INPP4B: variants seen among roughly 807,000 people sequenced by gnomAD.
INPP4B encodes inositol polyphosphate-4-phosphatase type II B, also known as inositol polyphosphate 4-phosphatase type II.
In INPP4B, 55 loss-of-function variants were observed where a neutral mutation model predicts 122.5. The ratio of observed to expected loss-of-function variants is 0.45; its 90% CI spans 0.36 to 0.56. The LOEUF is 0.56. Among genes scored for constraint, INPP4B ranks in the 20% least tolerant of loss-of-function variants. INPP4B has a pLI of 0.00. For missense variants in INPP4B, 1,000 were observed against 1,097.7 expected (o/e 0.91, Z 1.26); for synonymous variants, 403 against 388.7 (o/e 1.04, Z -0.43).
At chr4:142,366,882 A>C (rs1416115971) in intron 7 of INPP4B, among the ~76,000 whole-genome samples, 1 of 152,166 alleles carries the variant, frequency 6.6e-6, no homozygotes, top group Non-Finnish European at 1.5e-5. Flanking sequence ...CAGATGGTGA[A>C]CTCAAAATGG....
intron 25 of INPP4B, among the ~76,000 whole-genome samples, chr4:142,065,260 CACACAT>C (rs1762925622): frequency 8.4e-6 from 1 of 118,892 alleles, no homozygotes; most frequent in South Asian, 3.0e-4. Flanking sequence ...CACACACACA[CACACAT>C]ACATAGTGAA....
intron 1 of INPP4B, among the ~76,000 whole-genome samples, chr4:142,749,961 A>T (rs1445469420): frequency 6.6e-6 from 1 of 152,008 alleles, no homozygotes; most frequent in Admixed American, 6.6e-5. Context: ...AGTGTGGAAA[A>T]AATGTTATAA....
At chr4:142,210,603 T>C (rs1212576404) in intron 12 of INPP4B, among the ~76,000 whole-genome samples, 1 of 152,142 alleles carries the variant, frequency 6.6e-6, no homozygotes, top group Admixed American at 6.5e-5. Flanking sequence ...GATTGATATA[T>C]CCAAGTCTAG....
intron 2 of INPP4B, among the ~76,000 whole-genome samples, chr4:142,594,944 G>A (rs1738353253): frequency 8.4e-6 from 1 of 119,540 alleles, no homozygotes; most frequent in African/African-American, 3.3e-5. Context: ...GACAGGGTGA[G>A]ACTCTGTCTC....
intron 2 of INPP4B, among the ~76,000 whole-genome samples, chr4:142,720,948 TATAG>T (rs1170633397): frequency 1.4e-5 from 2 of 145,346 alleles, no homozygotes; most frequent in African/African-American, 5.2e-5. Flanking sequence ...GCATCATATA[TATAG>T]AGAGAGAGAA....
chr4:142,745,380 G>A (rs992025037), intron 1 of INPP4B, among the ~76,000 whole-genome samples: 3 of 151,696 alleles, frequency 2.0e-5, no homozygotes, highest in African/African-American at 7.2e-5. Context: ...ACTAAACAAG[G>A]GGTCAAAAAA....
chr4:142,237,304 G>T (rs1414581728), intron 12 of INPP4B, among the ~76,000 whole-genome samples: 29 of 152,022 alleles, frequency 1.9e-4, no homozygotes, highest in Non-Finnish European at 2.5e-4. Flanking sequence ...CAAGATCAAA[G>T]CTCAAATTAT....
intron 7 of INPP4B, among the ~76,000 whole-genome samples, chr4:142,390,100 AT>A (rs1286483369): frequency 1.3e-5 from 2 of 152,170 alleles, no homozygotes; most frequent in Non-Finnish European, 2.9e-5. Context: ...ATTATAAAGA[AT>A]TATAAAATGT....
intron 25 of INPP4B, among the ~76,000 whole-genome samples, chr4:142,048,111 G>T (rs1461098517): frequency 1.3e-5 from 2 of 152,072 alleles, no homozygotes; most frequent in Non-Finnish European, 2.9e-5. Flanking sequence ...GATCCATTCT[G>T]CAAATTGGAA....
chr4:142,583,801 G>C (rs1245285753), intron 2 of INPP4B, among the ~76,000 whole-genome samples: 6 of 151,822 alleles, frequency 4.0e-5, no homozygotes, highest in African/African-American at 1.5e-4. Flanking sequence ...ACTTTTTCTG[G>C]GGTAATCCTT....
intron 9 of INPP4B, among the ~76,000 whole-genome samples, chr4:142,294,214 GA>G (rs1757603663): frequency 6.6e-6 from 1 of 152,058 alleles, no homozygotes; most frequent in Admixed American, 6.6e-5. Context: ...TATATAAATA[GA>G]AATGCAAAAT....
chr4:142,562,034 G>T lies in INPP4B; in HGVS notation c.-190-99308C>A, dbSNP rs182866515. ...ATTAAGATCCTCACTTCTCACAGGGGGAAAAAGAGGAAAAGCGAAATTTTA... is the reference window on the plus strand; with the variant it reads ...ATTAAGATCCTCACTTCTCACAGGGTGAAAAAGAGGAAAAGCGAAATTTTA... On this transcript the variant is annotated intron_variant, in intron 2 of 25. Coordinates refer to ENST00000262992, the MANE Select transcript of INPP4B (RefSeq NM_001101669.3). Among the ~76,000 whole-genome samples, 55 of 151,446 alleles carry T rather than the reference G, an allele frequency of 3.6e-4. 3 individuals carry two copies. The East Asian group carries it at 9.8e-3, about 27-fold the overall frequency.
At chr4:142,108,356 C>T (rs1446552884) in intron 22 of INPP4B, among the ~76,000 whole-genome samples, 166 bp from the exon 23 acceptor site, 2 of 87,446 alleles carry the variant, frequency 2.3e-5, no homozygotes, top group African/African-American at 5.9e-5. Context: ...ATATTCCAAT[C>T]TCCACTGGCC....
At chr4:142,491,228 C>A (rs1402712164) in intron 2 of INPP4B, among the ~76,000 whole-genome samples, 1 of 152,070 alleles carries the variant, frequency 6.6e-6, no homozygotes, top group African/African-American at 2.4e-5. Flanking sequence ...CTTTATCTCA[C>A]CTTTTATATA....
intron 2 of INPP4B, among the ~76,000 whole-genome samples, chr4:142,477,248 A>G (rs1282306161): frequency 6.6e-6 from 1 of 152,222 alleles, no homozygotes; most frequent in Admixed American, 6.5e-5. Context: ...TTTGAAACTA[A>G]TAAGAATAAA....
chr4:142,466,789 G>A (rs1214505572), intron 2 of INPP4B, among the ~76,000 whole-genome samples: 1 of 152,168 alleles, frequency 6.6e-6, no homozygotes, highest in Non-Finnish European at 1.5e-5. Context: ...CAGGGGCCAG[G>A]TTCAGGGCCC....
At chr4:142,610,296 C>A (rs1377787093) in intron 2 of INPP4B, among the ~76,000 whole-genome samples, 1 of 152,094 alleles carries the variant, frequency 6.6e-6, no homozygotes, top group East Asian at 1.9e-4. Flanking sequence ...TGTGAGGCCT[C>A]CCAGCCATGT....
Position 142,501,763 on chromosome 4 carries a change from C to T in INPP4B, c.-190-39037G>A, listed in dbSNP as rs564039168. On this transcript the variant is annotated intron_variant, in intron 2 of 25. Coordinates refer to ENST00000262992, the MANE Select transcript of INPP4B (RefSeq NM_001101669.3). The stretch of plus-strand genomic sequence containing the variant: ...TCATGATAAAAATAATATATATATT[C>T]CTGGGCCTGTGCAATTAAAAGTCCA... Among the ~76,000 whole-genome samples, 1,105 of 152,038 alleles carry T rather than the reference C, an allele frequency of 7.3e-3. 7 individuals are homozygous for T. Among genetic ancestry groups the T allele is most frequent in the Non-Finnish European group, 0.012 (784 of 67,984 alleles).
intron 14 of INPP4B, among the ~76,000 whole-genome samples, chr4:142,205,471 G>T (rs1842244309): frequency 6.6e-6 from 1 of 152,182 alleles, no homozygotes; most frequent in South Asian, 2.1e-4. Flanking sequence ...CTTAGTTCAA[G>T]ACTTCGTTGA....
Sources: allele counts gnomAD v4.1 joint callset (sites outside exome capture counted in the v4.1 genomes callset), GRCh38; gene constraint gnomAD v4.1.1; transcripts MANE v1.5; gene names NCBI Gene and HGNC (gene_info 2026-07-23, HGNC 2026-07-21).